The following RBFOX2 variants were observed in gnomAD, a reference collection of about 807,000 sequenced individuals.
RBFOX2 encodes the protein RNA binding fox-1 homolog 2.
Under a neutral mutation model 49.1 loss-of-function variants are expected in RBFOX2, and 10 were observed. That is an observed-to-expected ratio of 0.20 (90% CI 0.13 to 0.35). The LOEUF is 0.35. Among genes scored for constraint, RBFOX2 ranks in the 10% least tolerant of loss-of-function variants. RBFOX2 has a pLI of 1.00. For missense variants in RBFOX2, 323 were observed against 486.9 expected, an observed-to-expected ratio of 0.66 and a Z score of 3.17; for synonymous variants, 183 against 187.4, an observed-to-expected ratio of 0.98 and a Z score of 0.19.
intron 1 of RBFOX2, among the ~76,000 whole-genome samples, chr22:35,821,108 A>G (rs926394785): frequency 2.6e-5 from 4 of 152,234 alleles, no homozygotes; most frequent in Non-Finnish European, 5.9e-5. Flanking sequence ...TGTTCCTGAT[A>G]TAAACTAATT....
intron 1 of RBFOX2, among the ~76,000 whole-genome samples, chr22:35,854,252 A>G (rs181408930): frequency 4.7e-4 from 71 of 152,160 alleles, no homozygotes; most frequent in Non-Finnish European, 9.0e-4. Flanking sequence ...CATTTGCTTT[A>G]CCTAACATAA....
intron 1 of RBFOX2, chr22:35,995,607 C>CTCGAGTGA (rs2058156725): frequency 6.5e-6 from 1 of 152,934 alleles, no homozygotes. Context: ...TGAGTGAGTT[C>CTCGAGTGA]TCGAGTGATC....
At chr22:35,951,241 CTTTTTTTTTTT>C (rs1208551684) in intron 1 of RBFOX2, among the ~76,000 whole-genome samples, 4 of 78,332 alleles carry the variant, frequency 5.1e-5, no homozygotes, top group African/African-American at 1.3e-4. Flanking sequence ...GCACCCGGCC[CTTTTTTTTTTT>C]TTTTTTTTTT....
intron 1 of RBFOX2, chr22:35,898,256 G>A (rs2048117039): frequency 2.7e-6 from 2 of 753,146 alleles, no homozygotes; most frequent in Non-Finnish European, 4.9e-6. Flanking sequence ...CCACTGACTT[G>A]AGGAACATTC....
At chr22:35,956,961 GTT>G (rs1229339134) in intron 1 of RBFOX2, among the ~76,000 whole-genome samples, 8 of 152,306 alleles carry the variant, frequency 5.3e-5, no homozygotes, top group Middle Eastern at 3.4e-3. Context: ...ACTGTTAAGT[GTT>G]TGGTGGTGAA....
intron 1 of RBFOX2, among the ~76,000 whole-genome samples, chr22:35,908,082 G>GT (rs2049325784): frequency 1.3e-5 from 2 of 152,160 alleles, no homozygotes; most frequent in South Asian, 4.1e-4. Flanking sequence ...GTCAACTGGT[G>GT]TATCACTCTG....
intron 1 of RBFOX2, chr22:35,996,350 A>T (rs1269449609): frequency 6.6e-6 from 1 of 152,292 alleles, no homozygotes; most frequent in Non-Finnish European, 1.5e-5. Context: ...ACGGTGGCTT[A>T]TATCTGTAAT....
chr22:35,866,664 C>G (rs1047654270), intron 1 of RBFOX2, among the ~76,000 whole-genome samples: 1 of 152,086 alleles, frequency 6.6e-6, no homozygotes, highest in African/African-American at 2.4e-5. Context: ...TCATGTAGCC[C>G]AGACTTGCAA....
intron 1 of RBFOX2, among the ~76,000 whole-genome samples, chr22:35,947,198 A>C (rs536056114): frequency 4.0e-4 from 60 of 151,142 alleles, no homozygotes; most frequent in African/African-American, 1.3e-3. Context: ...CCCTGCCACA[A>C]AAAAAAAAGA....
intron 1 of RBFOX2, among the ~76,000 whole-genome samples, chr22:35,852,386 T>A: frequency 6.6e-6 from 1 of 150,854 alleles, no homozygotes; most frequent in East Asian, 1.9e-4. Context: ...AACAAAAGAC[T>A]GGGTACAGCA....
chr22:35,802,032 G>A (rs927163727), intron 2 of RBFOX2, among the ~76,000 whole-genome samples: 1 of 151,996 alleles, frequency 6.6e-6, no homozygotes, highest in African/African-American at 2.4e-5. Flanking sequence ...ATACATATGG[G>A]TTATCTCTTT....
chr22:35,841,494 C>G (rs1039464242), upstream of RBFOX2, among the ~76,000 whole-genome samples: 1 of 151,988 alleles, frequency 6.6e-6, no homozygotes, highest in African/African-American at 2.4e-5. Context: ...TTCATAATTT[C>G]CCTATTTTAT....
intron 1 of RBFOX2, among the ~76,000 whole-genome samples, chr22:35,881,992 G>GA (rs897965740): frequency 3.5e-4 from 46 of 130,566 alleles, no homozygotes; most frequent in Admixed American, 8.5e-4. Context: ...AAAGAAAAAA[G>GA]AAAAAAAAAA....
intron 1 of RBFOX2, chr22:35,836,545 AC>A (rs1957714316): frequency 6.6e-6 from 1 of 152,292 alleles, no homozygotes; most frequent in South Asian, 2.1e-4. Flanking sequence ...ATTTAAAGGA[AC>A]AGCAACCCCC....
At chr22:35,836,324 T>C (rs757512256) in intron 1 of RBFOX2, 1 of 152,170 alleles carries the variant, frequency 6.6e-6, no homozygotes, top group Non-Finnish European at 1.5e-5. Context: ...ACATACCTGC[T>C]CTCTTATCTG....
At chr22:35,909,450 A>C (rs992514078) in intron 1 of RBFOX2, among the ~76,000 whole-genome samples, 11 of 152,214 alleles carry the variant, frequency 7.2e-5, no homozygotes, top group African/African-American at 2.7e-4. Flanking sequence ...ATACACCTGA[A>C]ATATGTAACC....
At chr22:36,017,299 C>T (rs574323343) in intron 1 of RBFOX2, among the ~76,000 whole-genome samples, 144 of 152,086 alleles carry the variant, frequency 9.5e-4, no homozygotes, top group African/African-American at 3.2e-3. Flanking sequence ...CAAGCCGAGG[C>T]GGGTGGATCA....
intron 10 of RBFOX2, 94 bp from the exon 13 acceptor site, chr22:35,746,089 T>C (rs1319825571): frequency 9.2e-7 from 1 of 1,091,544 alleles, no homozygotes; most frequent in East Asian, 2.4e-5. Context: ...GTGAGTCACT[T>C]GGTCTTGGAT....
intron 1 of RBFOX2, among the ~76,000 whole-genome samples, chr22:36,018,625 T>C (rs1226161736): frequency 1.3e-5 from 2 of 152,186 alleles, no homozygotes; most frequent in East Asian, 1.9e-4. Flanking sequence ...TCTTTTGTTT[T>C]ATTTTTGAGA....
Sources: gnomAD v4.1 joint callset for allele counts (sites outside exome capture counted in the v4.1 genomes callset) on GRCh38, gnomAD v4.1.1 for gene constraint, MANE v1.5 for transcripts, NCBI Gene and HGNC (gene_info 2026-07-23, HGNC 2026-07-21) for gene names.